Variants in SPIDR observed in about 807,000 individuals in gnomAD.
The protein encoded by SPIDR is DNA repair-scaffolding protein.
SPIDR carries 93 observed loss-of-function variants against 104.6 expected under a neutral mutation model. The observed-to-expected ratio is 0.89, with a 90% CI of 0.75 to 1.06. The LOEUF is 1.06. SPIDR is among the 50% of genes least tolerant of loss of function. SPIDR has a pLI of 0.00. For synonymous variants in SPIDR, 431 were observed against 416.9 expected, an observed-to-expected ratio of 1.03 and a Z score of -0.41; for missense variants, 1,154 against 1,111.2, an observed-to-expected ratio of 1.04 and a Z score of -0.55.
intron 8 of SPIDR, among the ~76,000 whole-genome samples, chr8:47,570,229 G>A (rs772483730): frequency 3.9e-4 from 59 of 152,212 alleles, no homozygotes; most frequent in Non-Finnish European, 7.6e-4. Flanking sequence ...TAAACATGTC[G>A]ACCAATGAAA....
Position 47,599,056 on chromosome 8 carries a change from G to A in SPIDR, c.1404G>A (p.Val468=), listed in dbSNP as rs2061953246. 1 of 1,612,850 alleles carries A rather than the reference G, an allele frequency of 6.2e-7. No individual in the cohort carries two copies. Among genetic ancestry groups the A allele is most frequent in the African/African-American group, 1.3e-5 (1 of 74,920 alleles). The change falls in exon 10 of 20, where the codon GTG becomes GTA. Residue 468 remains valine, a synonymous_variant. Coordinates refer to ENST00000297423, the MANE Select transcript of SPIDR (RefSeq NM_001080394.4). ...STPLRDSLLD[V]VESQGAASWP... is the part of the protein sequence containing the mutation. ...CCCTGAGGGATTCTCTCCTGGATGT[G>A]GTGGAAAGCCAGGGAGCTGCCTCGT... is the stretch of plus-strand genomic sequence containing the variant.
intron 10 of SPIDR, among the ~76,000 whole-genome samples, chr8:47,647,655 GGAGAGA>G: frequency 2.0e-5 from 1 of 50,168 alleles, no homozygotes; most frequent in Non-Finnish European, 4.0e-5. Flanking sequence ...AGAGAGAGAG[GGAGAGA>G]GAGAGAGGGA....
At chr8:47,334,981 C>G (rs1034320208) in intron 5 of SPIDR, among the ~76,000 whole-genome samples, 1 of 152,158 alleles carries the variant, frequency 6.6e-6, no homozygotes, top group Non-Finnish European at 1.5e-5. Flanking sequence ...TTTCCAATAA[C>G]ACTGTTACAC....
At chr8:47,526,854 GAACA>G (rs1387932151) in intron 8 of SPIDR, among the ~76,000 whole-genome samples, 3 of 152,160 alleles carry the variant, frequency 2.0e-5, no homozygotes, top group Non-Finnish European at 4.4e-5. Context: ...AATTGTCACA[GAACA>G]AACAGCTGCC....
At chr8:47,451,018 A>G (rs2071618365) in intron 8 of SPIDR, among the ~76,000 whole-genome samples, 1 of 152,186 alleles carries the variant, frequency 6.6e-6, no homozygotes, top group East Asian at 1.9e-4. Flanking sequence ...TACAAAACAC[A>G]CAAACAGGAA....
At chr8:47,671,317 G>T (rs913334436) in intron 10 of SPIDR, among the ~76,000 whole-genome samples, 1 of 152,096 alleles carries the variant, frequency 6.6e-6, no homozygotes, top group African/African-American at 2.4e-5. Context: ...AGGCGGGGTG[G>T]CTCACGCCTG....
At chr8:47,297,966 T>C (rs1373473699) in intron 5 of SPIDR, among the ~76,000 whole-genome samples, 2 of 152,240 alleles carry the variant, frequency 1.3e-5, no homozygotes, top group Non-Finnish European at 1.5e-5. Flanking sequence ...CCTTTTGGTA[T>C]ATACCCAGTA....
At chr8:47,689,486 A>T (rs2078312043) in intron 11 of SPIDR, among the ~76,000 whole-genome samples, 1 of 152,234 alleles carries the variant, frequency 6.6e-6, no homozygotes, top group Admixed American at 6.5e-5. Flanking sequence ...CACTTCACAG[A>T]TGAGGAGCTT....
At chr8:47,511,282 A>G in intron 8 of SPIDR, 1 of 1,465,720 alleles carries the variant, frequency 6.8e-7, no homozygotes, top group Non-Finnish European at 9.6e-7. Context: ...TTCGACGATT[A>G]AGATGGAAGA....
intron 10 of SPIDR, among the ~76,000 whole-genome samples, chr8:47,626,551 A>T (rs1390463565): frequency 6.6e-6 from 1 of 152,194 alleles, no homozygotes; most frequent in East Asian, 1.9e-4. Context: ...AGAAAAAAAC[A>T]AACAACCCCA....
At chr8:47,422,822 G>A (rs1202047644) in intron 7 of SPIDR, among the ~76,000 whole-genome samples, 1 of 152,162 alleles carries the variant, frequency 6.6e-6, no homozygotes, top group East Asian at 1.9e-4. Flanking sequence ...TTTGGTATGT[G>A]GATGTCAGTT....
At chr8:47,320,782 G>C (rs2046396146) in intron 5 of SPIDR, among the ~76,000 whole-genome samples, 1 of 152,140 alleles carries the variant, frequency 6.6e-6, no homozygotes, top group South Asian at 2.1e-4. Context: ...GGGATGCAAG[G>C]CAGGTTCAAC....
At chr8:47,626,199 A>T (rs186735309) in intron 10 of SPIDR, among the ~76,000 whole-genome samples, 3 of 152,340 alleles carry the variant, frequency 2.0e-5, no homozygotes, top group Admixed American at 2.0e-4. Flanking sequence ...AGAAAGCTGA[A>T]ACTGGATACC....
intron 8 of SPIDR, among the ~76,000 whole-genome samples, chr8:47,533,609 A>G (rs183002262): frequency 3.3e-5 from 5 of 152,358 alleles, no homozygotes; most frequent in Non-Finnish European, 7.3e-5. Flanking sequence ...AAGGACATGA[A>G]TGGACACTTC....
intron 5 of SPIDR, among the ~76,000 whole-genome samples, chr8:47,335,535 C>G (rs1415896047): frequency 6.6e-6 from 1 of 152,202 alleles, no homozygotes; most frequent in East Asian, 1.9e-4. Flanking sequence ...ACTGCAACCT[C>G]CACCTCCCAG....
intron 8 of SPIDR, among the ~76,000 whole-genome samples, chr8:47,567,413 T>G (rs2058006372): frequency 6.6e-6 from 1 of 151,800 alleles, no homozygotes; most frequent in Non-Finnish European, 1.5e-5. Flanking sequence ...GAGACGGGGT[T>G]TCTCCATGTT....
intron 8 of SPIDR, among the ~76,000 whole-genome samples, chr8:47,554,864 C>T (rs576426565): frequency 6.6e-6 from 1 of 152,320 alleles, no homozygotes; most frequent in South Asian, 2.1e-4. Context: ...TGTTCCTATT[C>T]AGCCATCTTG....
intron 8 of SPIDR, among the ~76,000 whole-genome samples, chr8:47,553,705 C>A (rs749659987): frequency 3.9e-5 from 6 of 152,146 alleles, no homozygotes; most frequent in Non-Finnish European, 8.8e-5. Context: ...TCCTTTAGCT[C>A]GGAGAAGTTT....
At chr8:47,346,847 C>G (rs984384856) in intron 5 of SPIDR, among the ~76,000 whole-genome samples, 28 of 152,012 alleles carry the variant, frequency 1.8e-4, no homozygotes, top group African/African-American at 6.8e-4. Flanking sequence ...TGATTCTTCT[C>G]TCTTTTCTTC....
Sources: allele counts gnomAD v4.1 joint callset (sites outside exome capture counted in the v4.1 genomes callset), GRCh38; gene constraint gnomAD v4.1.1; transcripts MANE v1.5; gene names NCBI Gene and HGNC (gene_info 2026-07-23, HGNC 2026-07-21).